Variants in CCDC3 observed in about 807,000 individuals in gnomAD.
CCDC3 encodes coiled-coil domain containing 3.
Under a neutral mutation model 21.4 loss-of-function variants are expected in CCDC3, and 24 were observed. The ratio of observed to expected loss-of-function variants is 1.12; its 90% CI spans 0.81 to 1.58. The LOEUF (loss-of-function observed/expected upper bound fraction) is 1.58. Ranked by LOEUF, CCDC3 falls within the 40% of genes most tolerant of loss-of-function variation. The pLI, the probability that CCDC3 is intolerant of heterozygous loss-of-function variation, is 0.00. For missense variants in CCDC3, 425 were observed against 360.9 expected, an observed-to-expected ratio of 1.18 and a Z score of -1.44; for synonymous variants, 186 against 166.0, an observed-to-expected ratio of 1.12 and a Z score of -0.93.
intron 5 of CCDC3, among the ~76,000 whole-genome samples, chr10:13,014,487 G>GA (rs1836026495): frequency 7.1e-6 from 1 of 139,942 alleles, no homozygotes; most frequent in Non-Finnish European, 1.6e-5. Flanking sequence ...AAAAAGAAAA[G>GA]AAAGAGAGAA....
intron 5 of CCDC3, among the ~76,000 whole-genome samples, chr10:13,046,707 CAA>C (rs35466054): frequency 0.4 from 54,621 of 137,982 alleles, 10,821 homozygotes; most frequent in East Asian, 0.56. Context: ...AACTCCGTCT[CAA>C]AAAAAAAAAA....
At chr10:12,981,050 T>TC (rs1835489423) in intron 2 of CCDC3, among the ~76,000 whole-genome samples, 2 of 151,904 alleles carry the variant, frequency 1.3e-5, no homozygotes, top group East Asian at 1.9e-4. Context: ...CTTTTTTTTT[T>TC]TTTTAAGAGA....
At chr10:12,950,034 C>T (rs538001774) in intron 2 of CCDC3, among the ~76,000 whole-genome samples, 3 of 152,348 alleles carry the variant, frequency 2.0e-5, no homozygotes, top group African/African-American at 7.2e-5. Context: ...CCATCATCAC[C>T]TCCTGTGCTC....
chr10:12,911,714 T>C (rs1379654546), intron 2 of CCDC3, among the ~76,000 whole-genome samples: 1 of 152,240 alleles, frequency 6.6e-6, no homozygotes, highest in African/African-American at 2.4e-5. Flanking sequence ...ACATACATTG[T>C]ATTGTTATTA....
rs941893610 is a variant in CCDC3, at chr10:12,998,453, G to A, written c.434C>T (p.Pro145Leu). 3 of 1,613,992 alleles carry A rather than the reference G, an allele frequency of 1.9e-6. No individual in the cohort carries two copies. Among genetic ancestry groups the A allele is most frequent in the Middle Eastern group, 1.6e-4 (1 of 6,084 alleles). Reference protein sequence around the residue: ...HGVNFQDAIFPDTQENRRMFS... With the variant: ...HGVNFQDAIFLDTQENRRMFS... ...CATCCTTCTGTTCTCTTGAGTGTCTGGGAAGATGGCATCTTGGAAATTGAC... is the reference window on the plus strand; with the variant it reads ...CATCCTTCTGTTCTCTTGAGTGTCTAGGAAGATGGCATCTTGGAAATTGAC... Residue 145 changes from proline (P) to leucine (L), a missense_variant, in exon 2 of 3, where the codon CCA (proline) becomes CTA (leucine). Physicochemically the swap from Pro to Leu is moderately conservative, Grantham distance 98 (BLOSUM62 -3). Coordinates refer to ENST00000378825, the MANE Select transcript of CCDC3 (RefSeq NM_031455.4).
chr10:13,034,230 A>T (rs1836345837), intron 5 of CCDC3, among the ~76,000 whole-genome samples: 1 of 151,798 alleles, frequency 6.6e-6, no homozygotes, highest in African/African-American at 2.4e-5. Flanking sequence ...TTCTCAGCAA[A>T]CTATCGCAAG....
chr10:13,019,279 A>G (rs1273323411), intron 5 of CCDC3, among the ~76,000 whole-genome samples: 1 of 152,164 alleles, frequency 6.6e-6, no homozygotes, highest in Non-Finnish European at 1.5e-5. Context: ...GAAAGTATAG[A>G]AGACGTTTGG....
intron 2 of CCDC3, among the ~76,000 whole-genome samples, chr10:12,924,507 T>C (rs1834503199): frequency 6.6e-6 from 1 of 152,222 alleles, no homozygotes; most frequent in Non-Finnish European, 1.5e-5. Flanking sequence ...ATCTAAACTC[T>C]AATGATTCTG....
At chr10:13,050,555 G>T (rs774009393) in intron 4 of CCDC3, among the ~76,000 whole-genome samples, 24 of 151,002 alleles carry the variant, frequency 1.6e-4, no homozygotes, top group Non-Finnish European at 3.4e-4. Flanking sequence ...CCGCCTCCTG[G>T]GTTCAAGCAA....
intron 3 of CCDC3, among the ~76,000 whole-genome samples, chr10:13,086,326 G>A (rs1298827601): frequency 6.6e-6 from 1 of 152,208 alleles, no homozygotes; most frequent in Non-Finnish European, 1.5e-5. Flanking sequence ...TCATTCTTTT[G>A]AGATATTTCC....
chr10:12,956,921 A>C (rs1293791973), intron 2 of CCDC3, among the ~76,000 whole-genome samples: 1 of 152,252 alleles, frequency 6.6e-6, no homozygotes, highest in East Asian at 1.9e-4. Context: ...TCTAGCCAGC[A>C]ACCCAATAGG....
chr10:12,914,876 T>C (rs1834326334), intron 2 of CCDC3, among the ~76,000 whole-genome samples: 2 of 152,184 alleles, frequency 1.3e-5, no homozygotes, highest in Admixed American at 6.5e-5. Flanking sequence ...TTTCTTTCCT[T>C]CTAACTTTGG....
chr10:12,963,420 G>A (rs886170670), intron 2 of CCDC3, among the ~76,000 whole-genome samples: 5 of 152,008 alleles, frequency 3.3e-5, no homozygotes, highest in African/African-American at 7.3e-5. Flanking sequence ...TACACACATA[G>A]CACTTCCCAC....
intron 2 of CCDC3, among the ~76,000 whole-genome samples, chr10:12,985,739 G>A (rs138582375): frequency 2.0e-5 from 3 of 152,348 alleles, no homozygotes; most frequent in Non-Finnish European, 2.9e-5. Context: ...ATTAAGGGTT[G>A]CCAGAGTTTA....
chr10:12,907,838 C>T (rs1834198357), intron 2 of CCDC3, among the ~76,000 whole-genome samples: 1 of 151,986 alleles, frequency 6.6e-6, no homozygotes, highest in South Asian at 2.1e-4. Context: ...GGATGTGACG[C>T]AGATGAGGAA....
At chr10:12,924,069 G>C (rs1389845815) in intron 2 of CCDC3, among the ~76,000 whole-genome samples, 1 of 152,186 alleles carries the variant, frequency 6.6e-6, no homozygotes, top group African/African-American at 2.4e-5. Flanking sequence ...CTGTAGAATT[G>C]CCATGGCCTC....
intron 2 of CCDC3, among the ~76,000 whole-genome samples, chr10:12,957,987 T>C (rs1039305682): frequency 6.6e-6 from 1 of 152,134 alleles, no homozygotes; most frequent in Non-Finnish European, 1.5e-5. Flanking sequence ...ACACCACGTC[T>C]GGCTAATTTT....
chr10:13,058,286 T>C, intron 4 of CCDC3: 1 of 1,366,560 alleles, frequency 7.3e-7, no homozygotes, highest in Non-Finnish European at 1.0e-6. Context: ...GCTTTCCACA[T>C]CGTATTCATC....
intron 4 of CCDC3, among the ~76,000 whole-genome samples, chr10:13,066,728 C>A (rs1338070699): frequency 6.6e-6 from 1 of 152,174 alleles, no homozygotes; most frequent in Non-Finnish European, 1.5e-5. Context: ...CTGAGCCTGC[C>A]CACACGTGCA....
Sources: allele counts gnomAD v4.1 joint callset (sites outside exome capture counted in the v4.1 genomes callset), GRCh38; gene constraint gnomAD v4.1.1; transcripts MANE v1.5; gene names NCBI Gene and HGNC (gene_info 2026-07-23, HGNC 2026-07-21).